Variants in TRMT11 observed in about 807,000 individuals in gnomAD.
TRMT11 encodes tRNA methyltransferase 11, also known as tRNA (guanine(10)-N(2))-methyltransferase TRMT11.
In TRMT11, 53 loss-of-function variants were observed where a neutral mutation model predicts 62.8. The observed-to-expected ratio is 0.84, with a 90% CI of 0.68 to 1.06. TRMT11 has a LOEUF of 1.06. TRMT11 is among the 50% of genes least tolerant of loss of function. TRMT11 has a pLI of 0.00. For missense variants in TRMT11, 556 were observed against 553.4 expected (o/e 1.00, Z -0.05); for synonymous variants, 188 against 190.3 (o/e 0.99, Z 0.10).
At chr6:126,054,853 G>A (rs949848284) in intron 17 of TRMT11, among the ~76,000 whole-genome samples, 1 of 152,090 alleles carries the variant, frequency 6.6e-6, no homozygotes, top group Non-Finnish European at 1.5e-5. Flanking sequence ...TGAGACACAG[G>A]GTGCTCCCTG....
intron 21 of TRMT11, among the ~76,000 whole-genome samples, chr6:126,141,288 A>G (rs1777913683): frequency 6.6e-6 from 1 of 152,162 alleles, no homozygotes; most frequent in Admixed American, 6.6e-5. Context: ...AACTAAAAAT[A>G]AAATGAACAA....
the TRMT11 span, among the ~76,000 whole-genome samples, chr6:126,225,527 C>T: frequency 3.3e-5 from 5 of 151,744 alleles, no homozygotes; most frequent in South Asian, 4.2e-4. Context: ...GTCTGGTCTC[C>T]GTGGGAGATG....
chr6:125,994,938 T>G (rs1184546118), intron 2 of TRMT11, among the ~76,000 whole-genome samples: 1 of 152,132 alleles, frequency 6.6e-6, no homozygotes, highest in Non-Finnish European at 1.5e-5. Flanking sequence ...TAAGAACATA[T>G]GGACATGTCC....
the TRMT11 span, among the ~76,000 whole-genome samples, chr6:126,228,965 T>C: frequency 1.3e-5 from 2 of 152,176 alleles, no homozygotes; most frequent in Non-Finnish European, 2.9e-5. Context: ...TTAATGGCTA[T>C]TATAGTAAAA....
chr6:126,197,993 C>G (rs1260967166), intron 1 of TRMT11, among the ~76,000 whole-genome samples: 9 of 152,102 alleles, frequency 5.9e-5, no homozygotes, highest in Non-Finnish European at 4.4e-5. Flanking sequence ...ATAATAAAAG[C>G]TCCTTATCAG....
intron 21 of TRMT11, among the ~76,000 whole-genome samples, chr6:126,128,138 C>G (rs1430897431): frequency 6.6e-6 from 1 of 152,060 alleles, no homozygotes; most frequent in Non-Finnish European, 1.5e-5. Flanking sequence ...TATTGGTCAA[C>G]AAGTGCCACT....
At chr6:126,085,658 G>C (rs1382271498) in intron 17 of TRMT11, among the ~76,000 whole-genome samples, 1 of 152,170 alleles carries the variant, frequency 6.6e-6, no homozygotes, top group African/African-American at 2.4e-5. Flanking sequence ...TCCTGTCTGA[G>C]TTCAAGGTGA....
At chr6:126,002,844 C>T (rs1303659849) in intron 7 of TRMT11, among the ~76,000 whole-genome samples, 1 of 152,000 alleles carries the variant, frequency 6.6e-6, no homozygotes, top group African/African-American at 2.4e-5. Context: ...AATGATAATA[C>T]ATTTTCTGAT....
chr6:126,220,141 G>T, the TRMT11 span, among the ~76,000 whole-genome samples: 7 of 152,302 alleles, frequency 4.6e-5, no homozygotes, highest in African/African-American at 1.7e-4. Flanking sequence ...GATCCTAAAT[G>T]CTTCTACCTA....
intron 11 of TRMT11, among the ~76,000 whole-genome samples, chr6:126,017,222 TAG>T (rs781438404): frequency 2.6e-5 from 4 of 152,226 alleles, no homozygotes; most frequent in Non-Finnish European, 4.4e-5. Flanking sequence ...TGTAGGCTAT[TAG>T]TTCTATTAAT....
At chr6:126,100,074 C>A (rs1777382064) in intron 17 of TRMT11, among the ~76,000 whole-genome samples, 2 of 152,120 alleles carry the variant, frequency 1.3e-5, no homozygotes, top group Admixed American at 6.5e-5. Context: ...CGGTGACACT[C>A]TTTGCATGCT....
At chr6:126,117,339 C>T (rs748260378) in intron 21 of TRMT11, among the ~76,000 whole-genome samples, 1 of 151,952 alleles carries the variant, frequency 6.6e-6, no homozygotes, top group Non-Finnish European at 1.5e-5. Context: ...TTTCTTAGTT[C>T]AAATAGTCTC....
At chr6:126,258,116 G>A in the TRMT11 span, 39 of 896,336 alleles carry the variant, frequency 4.4e-5, no homozygotes, top group Admixed American at 2.1e-4. Flanking sequence ...CCTGGCAGTC[G>A]GGGAGTTGTG....
chr6:126,115,904 C>T (rs888136648), intron 21 of TRMT11, among the ~76,000 whole-genome samples: 1 of 151,926 alleles, frequency 6.6e-6, no homozygotes, highest in African/African-American at 2.4e-5. Flanking sequence ...CTTGCTGCAC[C>T]CCCTGAGAGA....
At chr6:126,047,352 G>A (rs145918910) in intron 16 of TRMT11, among the ~76,000 whole-genome samples, 3 of 151,506 alleles carry the variant, frequency 2.0e-5, no homozygotes, top group East Asian at 2.0e-4. Context: ...AGAAGAGAAG[G>A]AGCATCTGAA....
chr6:126,265,754 A>T, the TRMT11 span, among the ~76,000 whole-genome samples: 1 of 152,198 alleles, frequency 6.6e-6, no homozygotes, highest in African/African-American at 2.4e-5. Flanking sequence ...ACTGAGAGTC[A>T]GGAAACTTGA....
chr6:126,213,187 T>C, the TRMT11 span, among the ~76,000 whole-genome samples: 2 of 152,172 alleles, frequency 1.3e-5, no homozygotes, highest in South Asian at 4.1e-4. Flanking sequence ...GTAGTATAAT[T>C]TGAAGTCAGG....
In TRMT11 at chr6:126,011,235, C is replaced by A; in HGVS notation, c.761-18C>A. 1 of 1,599,436 alleles carries A rather than the reference C, an allele frequency of 6.3e-7. No individual in the cohort carries two copies. Among genetic ancestry groups the A allele is most frequent in the Non-Finnish European group, 8.5e-7 (1 of 1,173,060 alleles). ...ACTCTGTTTAATACTTTCTCTCTTC[C>A]TTTTTCTTTCCCTTCAGGAAAGGCT... is the stretch of plus-strand genomic sequence containing the variant. On this transcript the variant is annotated intron_variant, in intron 8 of 12. Transcript: ENST00000334379.
At chr6:126,022,987 TA>T (rs1796047832) in intron 12 of TRMT11, among the ~76,000 whole-genome samples, 1 of 152,240 alleles carries the variant, frequency 6.6e-6, no homozygotes, top group Non-Finnish European at 1.5e-5. Context: ...ACTTTACCTT[TA>T]AGATTTGCCT....
Sources: allele counts gnomAD v4.1 joint callset (sites outside exome capture counted in the v4.1 genomes callset), GRCh38; gene constraint gnomAD v4.1.1; transcripts MANE v1.5; gene names NCBI Gene and HGNC (gene_info 2026-07-23, HGNC 2026-07-21).